ABR: variants seen among roughly 807,000 people sequenced by gnomAD.
ABR encodes the protein ABR activator of RhoGEF and GTPase, also known as active breakpoint cluster region-related protein.
A neutral mutation model predicts 107.2 loss-of-function variants in ABR; 35 were observed. That is an observed-to-expected ratio of 0.33 (90% CI 0.25 to 0.43). The LOEUF (loss-of-function observed/expected upper bound fraction) is 0.43, where lower values mean the gene tolerates loss of function less well. Among genes scored for constraint, ABR ranks in the 20% least tolerant of loss-of-function variants. The pLI, the probability that ABR is intolerant of heterozygous loss-of-function variation, is 1.00. For missense variants in ABR, 815 were observed against 1,115.2 expected (o/e 0.73, Z 3.83); for synonymous variants, 498 against 462.0 (o/e 1.08, Z -1.00).
chr17:1,097,191 C>A (rs912784411), intron 3 of ABR, among the ~76,000 whole-genome samples: 18 of 152,292 alleles, frequency 1.2e-4, no homozygotes, highest in Non-Finnish European at 1.5e-5. Context: ...CCACTCCCTC[C>A]TTCAGGGAAC....
At chr17:1,170,498 G>C (rs564614054) in intron 1 of ABR, among the ~76,000 whole-genome samples, 1 of 152,120 alleles carries the variant, frequency 6.6e-6, no homozygotes, top group Non-Finnish European at 1.5e-5. Flanking sequence ...GTGCAACAGC[G>C]TGATCTCAGG....
chr17:1,226,397 CTG>C (rs1265836177), intron 1 of ABR, among the ~76,000 whole-genome samples: 5 of 151,716 alleles, frequency 3.3e-5, no homozygotes, highest in East Asian at 3.9e-4. Context: ...GTGCAGGTGT[CTG>C]TGTATGCATG....
At position 1,018,186 on chromosome 17, in the gene ABR, G is replaced by A. The variant is rs555768812; in HGVS notation, c.1792-5022C>T. On this transcript the variant is annotated intron_variant, in intron 16 of 22. Transcript: ENST00000302538. Reference sequence around the variant, plus strand: ...GCCTCCTGAGTAGCTGGGACTACAGGCGCCCGCCACCACCCCCGGCTAATT... The same window carrying A: ...GCCTCCTGAGTAGCTGGGACTACAGACGCCCGCCACCACCCCCGGCTAATT... 4.1e-3 allele frequency among the ~76,000 whole-genome samples: 631 copies of A among 152,154 alleles called. 2 individuals are homozygous for A. Among genetic ancestry groups the A allele is most frequent in the African/African-American group, 0.013 (557 of 41,490 alleles).
At chr17:1,137,965 A>G (rs1338182081) in intron 1 of ABR, among the ~76,000 whole-genome samples, 5 of 151,688 alleles carry the variant, frequency 3.3e-5, no homozygotes, top group African/African-American at 1.2e-4. Flanking sequence ...CAGTGGCACA[A>G]TTTCGGCTCA....
At chr17:1,216,332 C>CT (rs1329925686) in intron 1 of ABR, among the ~76,000 whole-genome samples, 1 of 152,166 alleles carries the variant, frequency 6.6e-6, no homozygotes, top group Non-Finnish European at 1.5e-5. Context: ...CCCACAGGGG[C>CT]TGTGTCATTT....
At chr17:1,069,874 G>A (rs2035079159) in intron 9 of ABR, 95 bp downstream of exon 9, 1 of 244,650 alleles carries the variant, frequency 4.1e-6, no homozygotes, top group Non-Finnish European at 6.5e-6. Flanking sequence ...CCCCGCAGAG[G>A]TCAGGACCCC....
At chr17:1,057,334 GTGTGTGTGTGT>G (rs1567668859) in intron 12 of ABR, among the ~76,000 whole-genome samples, 1 of 95,972 alleles carries the variant, frequency 1.0e-5, no homozygotes, top group Non-Finnish European at 2.5e-5. Flanking sequence ...GTGTGTGTGT[GTGTGTGTGTGT>G]GTGTGTGTGT....
intron 2 of ABR, among the ~76,000 whole-genome samples, chr17:1,116,604 G>C (rs2038997297): frequency 6.6e-6 from 1 of 152,166 alleles, no homozygotes; most frequent in Non-Finnish European, 1.5e-5. Flanking sequence ...GAGGGCCAGA[G>C]AGGACGGGAG....
At chr17:1,068,630 C>G (rs867510597) in intron 9 of ABR, among the ~76,000 whole-genome samples, 13 of 152,210 alleles carry the variant, frequency 8.5e-5, no homozygotes, top group African/African-American at 3.1e-4. Context: ...CAGAATGAGC[C>G]TCTGCTCAAG....
At chr17:1,105,658 G>A (rs138109053) in intron 2 of ABR, among the ~76,000 whole-genome samples, 6 of 152,282 alleles carry the variant, frequency 3.9e-5, no homozygotes, top group African/African-American at 1.2e-4. Flanking sequence ...CAGATTGCTT[G>A]AGCCCAGGAG....
intron 1 of ABR, among the ~76,000 whole-genome samples, chr17:1,220,136 A>C (rs139138783): frequency 0.048 from 7,207 of 151,302 alleles, 229 homozygotes; most frequent in East Asian, 0.13. Flanking sequence ...CTCAAAATAC[A>C]AAAAATTAGC....
chr17:1,066,987 A>C, intron 10 of ABR, 90 bp downstream of exon 10: 2 of 1,414,896 alleles, frequency 1.4e-6, no homozygotes, highest in Non-Finnish European at 1.9e-6. Context: ...GCTCCCTCTC[A>C]AAGTCTCAAA....
rs111401104 is a variant in ABR at position 1,061,549 on chromosome 17, C to CT, written c.1183-2683dup. On this transcript the variant is annotated intron_variant, in intron 10 of 22. Coordinates refer to ENST00000302538, the MANE Select transcript of ABR (RefSeq NM_021962.5). ...CAATAATTGTTTGTTTACTAAGTGC[C>CT]TTTTTTTTTTTGAGATGGAGTCCCA... Among the ~76,000 whole-genome samples, 149 of 78,898 alleles carry CT rather than the reference C, an allele frequency of 1.9e-3. 3 individuals are homozygous for CT. Among genetic ancestry groups the CT allele is most frequent in the African/African-American group, 5.8e-3 (125 of 21,470 alleles). The allele number at this position is 78,898 out of a possible 152,430, so 51.8% of individuals were successfully genotyped here.
chr17:1,196,984 G>A lies in ABR; in HGVS notation c.838+31809C>T, dbSNP rs111893321. On this transcript the variant is annotated intron_variant, in intron 1 of 22. Coordinates refer to the ABR transcript ENST00000574139. The stretch of plus-strand genomic sequence containing the variant: ...GCTGGGATGACAGGCGTGAGCCACC[G>A]CACCCGGCCAAGATCCGCCTTCCTA... Among the ~76,000 whole-genome samples the A allele has an allele frequency of 8.1e-4, 123 of 151,820 alleles. 9 individuals are homozygous for A. The highest frequency in any genetic ancestry group is 2.7e-3 in the African/African-American group (109 of 41,126).
chr17:1,221,507 G>A (rs970194581), intron 1 of ABR, among the ~76,000 whole-genome samples: 1 of 152,302 alleles, frequency 6.6e-6, no homozygotes, highest in African/African-American at 2.4e-5. Context: ...ACTGCTGGCC[G>A]CTGGAATTCT....
chr17:1,012,494 G>C (rs1435613226), intron 18 of ABR, 194 bp downstream of exon 18: 1 of 700,748 alleles, frequency 1.4e-6, no homozygotes, highest in Non-Finnish European at 2.6e-6. Context: ...TTAGGTGCTG[G>C]CTCGCGTGCT....
intron 6 of ABR, among the ~76,000 whole-genome samples, chr17:1,075,698 A>C (rs1037483002): frequency 9.2e-5 from 14 of 152,134 alleles, no homozygotes; most frequent in African/African-American, 2.9e-4. Context: ...ATGGTTGAAA[A>C]CCACTGCTTT....
chr17:1,120,023 T>G (rs2039277957), intron 2 of ABR, among the ~76,000 whole-genome samples: 1 of 152,166 alleles, frequency 6.6e-6, no homozygotes, highest in South Asian at 2.1e-4. Context: ...GTTCCCCTTG[T>G]AGATGGGATT....
chr17:1,037,073 A>C lies in ABR; in HGVS notation c.1791+12977T>G. 7.6e-6 allele frequency among the ~76,000 whole-genome samples: 1 copy of C among 131,212 alleles called. No homozygotes were observed. Among genetic ancestry groups the C allele is most frequent in the East Asian group, 2.5e-4 (1 of 4,002 alleles). 86.1% of individuals were successfully genotyped at this position (131,212 alleles called of 152,430 possible). ...CATCCATCCACCCATCCATCCACCC[A>C]CCCACCCATCCTTCCATCCATCCAT... is the stretch of plus-strand genomic sequence containing the variant. On this transcript the variant is annotated intron_variant, in intron 16 of 22. Coordinates refer to ENST00000302538, the MANE Select transcript of ABR (RefSeq NM_021962.5). This position sits in a 1 kb window ranked among gnomAD's most constrained non-coding sequence, Gnocchi z 4.6.
Sources: gnomAD v4.1 joint callset for allele counts (sites outside exome capture counted in the v4.1 genomes callset) on GRCh38, gnomAD v4.1.1 for gene constraint, Gnocchi (gnomAD v3.1) non-coding constraint, MANE v1.5 for transcripts, NCBI Gene and HGNC (gene_info 2026-07-23, HGNC 2026-07-21) for gene names.